Variants in ARMC3 observed in about 807,000 individuals in gnomAD.
The protein encoded by ARMC3 is armadillo repeat-containing protein 3.
Under a neutral mutation model 90.3 loss-of-function variants are expected in ARMC3, and 74 were observed. That is an observed-to-expected ratio of 0.82 (90% CI 0.68 to 0.99). ARMC3 has a LOEUF of 0.99. Ranked by LOEUF, ARMC3 falls within the 50% of genes least tolerant of loss-of-function variation. The pLI is 0.00. For synonymous variants in ARMC3, 334 were observed against 361.8 expected, an observed-to-expected ratio of 0.92 and a Z score of 0.87; for missense variants, 958 against 1,042.8, an observed-to-expected ratio of 0.92 and a Z score of 1.12.
intron 16 of ARMC3, chr10:23,014,004 C>T (rs1371493530): frequency 7.0e-7 from 1 of 1,420,402 alleles, no homozygotes; most frequent in Non-Finnish European, 9.7e-7. Context: ...GACTCCTTTA[C>T]AGTATGTCCA....
At chr10:22,995,465 G>A (rs1450960756) in intron 10 of ARMC3, among the ~76,000 whole-genome samples, 6 of 152,102 alleles carry the variant, frequency 3.9e-5, no homozygotes, top group Admixed American at 6.5e-5. Context: ...GTGCCTGCAC[G>A]ACTCATCTTT....
At chr10:22,953,198 C>A (rs1834801352) in intron 3 of ARMC3, among the ~76,000 whole-genome samples, 1 of 152,028 alleles carries the variant, frequency 6.6e-6, no homozygotes, top group Non-Finnish European at 1.5e-5. Context: ...GGCTCACTAG[C>A]CAAGGAATGC....
chr10:22,952,473 A>G (rs1201916797), intron 3 of ARMC3, among the ~76,000 whole-genome samples: 1 of 152,202 alleles, frequency 6.6e-6, no homozygotes, highest in East Asian at 1.9e-4. Flanking sequence ...TAAATTTCCA[A>G]GCTCACTAAA....
intron 4 of ARMC3, among the ~76,000 whole-genome samples, chr10:22,956,970 A>G (rs143176881): frequency 1.1e-3 from 165 of 152,186 alleles, no homozygotes; most frequent in Non-Finnish European, 2.0e-3. Flanking sequence ...GTCATTTTCT[A>G]ATAGTAGTTT....
chr10:23,002,173 GC>G (rs111379215), intron 12 of ARMC3, 118 bp downstream of exon 12: 31,919 of 1,407,146 alleles, frequency 0.023, 474 homozygotes, highest in African/African-American at 0.046. Flanking sequence ...GTCCGCTGAA[GC>G]GCTGCATGTC....
At chr10:22,959,634 T>C in intron 6 of ARMC3, 60 bp downstream of exon 6, 2 of 1,490,276 alleles carry the variant, frequency 1.3e-6, no homozygotes, top group South Asian at 1.4e-5. Flanking sequence ...TATTTTCCCA[T>C]TAAAAATAGA....
chr10:23,005,224 A>C (rs940986787), intron 13 of ARMC3, among the ~76,000 whole-genome samples: 3 of 150,688 alleles, frequency 2.0e-5, no homozygotes, highest in Admixed American at 2.0e-4. Context: ...AAAAAAAAAA[A>C]AAAAAAAAAC....
At chr10:22,985,045 CATTTTTTTT>C (rs1564372223) in intron 10 of ARMC3, among the ~76,000 whole-genome samples, 4 of 90,890 alleles carry the variant, frequency 4.4e-5, no homozygotes, top group Non-Finnish European at 8.8e-5. Context: ...GTTAATTTTT[CATTTTTTTT>C]TTTTTTTTTT....
At chr10:23,023,666 T>A (rs1017277932) in intron 16 of ARMC3, among the ~76,000 whole-genome samples, 2 of 151,896 alleles carry the variant, frequency 1.3e-5, no homozygotes, top group Non-Finnish European at 2.9e-5. Flanking sequence ...AGGAACCAAA[T>A]AGAAATTATA....
At chr10:22,929,773 GC>G (rs1412753956) in intron 1 of ARMC3, among the ~76,000 whole-genome samples, 1 of 152,048 alleles carries the variant, frequency 6.6e-6, no homozygotes, top group Non-Finnish European at 1.5e-5. Flanking sequence ...CTGGTCTTGA[GC>G]TCCTGACCTC....
chr10:22,981,866 T>C (rs1324501297), intron 10 of ARMC3, among the ~76,000 whole-genome samples, 166 bp downstream of exon 10: 1 of 152,192 alleles, frequency 6.6e-6, no homozygotes, highest in African/African-American at 2.4e-5. Flanking sequence ...ATCAGATGGG[T>C]CTGTTTTCCA....
intron 13 of ARMC3, among the ~76,000 whole-genome samples, chr10:23,004,466 G>T (rs2131438941): frequency 6.6e-6 from 1 of 152,124 alleles, no homozygotes; most frequent in South Asian, 2.1e-4. Flanking sequence ...GGAGCAAGAG[G>T]GCTAAAGATG....
At chr10:22,976,912 T>G (rs1039195193) in intron 8 of ARMC3, among the ~76,000 whole-genome samples, 1 of 152,206 alleles carries the variant, frequency 6.6e-6, no homozygotes. Flanking sequence ...TCTGAATAAC[T>G]CTTGAGCTAG....
chr10:22,975,177 G>A (rs1835864416), intron 8 of ARMC3, among the ~76,000 whole-genome samples: 1 of 152,124 alleles, frequency 6.6e-6, no homozygotes, highest in Admixed American at 6.5e-5. Context: ...TACCTTACCT[G>A]TGCATAGGTT....
chr10:23,004,808 C>T lies in ARMC3; in HGVS notation c.1731+1394C>T, dbSNP rs1220489672. Among the ~76,000 whole-genome samples, 3 of 152,174 alleles carry T rather than the reference C, an allele frequency of 2.0e-5. No individual in the cohort carries two copies. The East Asian group carries it at 5.8e-4, about 29-fold the overall frequency. On this transcript the variant is annotated intron_variant, in intron 13 of 18. Transcript: ENST00000298032. ...CCTCCCCCACCTCCTGCCACCACTG[C>T]CGTACTCCATAACACACACAAACCA...
intron 16 of ARMC3, among the ~76,000 whole-genome samples, chr10:23,013,655 T>C (rs1838127624): frequency 1.3e-5 from 2 of 152,198 alleles, no homozygotes; most frequent in South Asian, 4.1e-4. Flanking sequence ...GCAAATGTCA[T>C]GTGTACAATA....
chr10:22,970,215 G>A (rs1248751023), intron 8 of ARMC3, among the ~76,000 whole-genome samples: 1 of 152,174 alleles, frequency 6.6e-6, no homozygotes, highest in African/African-American at 2.4e-5. Context: ...AGGACCTAGA[G>A]TAAATAAGAT....
intron 18 of ARMC3, among the ~76,000 whole-genome samples, chr10:23,036,321 C>T (rs1457001265): frequency 1.3e-5 from 2 of 152,104 alleles, no homozygotes; most frequent in African/African-American, 4.8e-5. Context: ...TCATGGTCCA[C>T]CCAAGACACA....
chr10:23,029,683 T>C (rs1838845635), intron 16 of ARMC3, among the ~76,000 whole-genome samples: 1 of 152,196 alleles, frequency 6.6e-6, no homozygotes, highest in African/African-American at 2.4e-5. Flanking sequence ...TGGACAGGAA[T>C]TATTTGCATC....
Sources: gnomAD v4.1 joint callset for allele counts (sites outside exome capture counted in the v4.1 genomes callset) on GRCh38, gnomAD v4.1.1 for gene constraint, MANE v1.5 for transcripts, NCBI Gene and HGNC (gene_info 2026-07-23, HGNC 2026-07-21) for gene names.